VWA5B2: variants seen among roughly 807,000 people sequenced by gnomAD.
VWA5B2 encodes von Willebrand factor A domain containing 5B2.
Under a neutral mutation model 118.5 loss-of-function variants are expected in VWA5B2, and 93 were observed. That is an observed-to-expected ratio of 0.79 (90% CI 0.66 to 0.93). The LOEUF (loss-of-function observed/expected upper bound fraction) is 0.93, where lower values mean the gene tolerates loss of function less well. VWA5B2 is among the 40% of genes least tolerant of loss of function. The pLI is 0.00. For missense variants in VWA5B2, 1,546 were observed against 1,672.8 expected, an observed-to-expected ratio of 0.92 and a Z score of 1.32; for synonymous variants, 708 against 716.3, an observed-to-expected ratio of 0.99 and a Z score of 0.19.
At chr3:184,234,941 C>A in intron 7 of VWA5B2, 186 bp downstream of exon 7, 1 of 1,124,038 alleles carries the variant, frequency 8.9e-7, no homozygotes. Context: ...ATGTGAATCT[C>A]TCTGGGGTGT....
At position 184,240,009 on chromosome 3, in the gene VWA5B2, G is replaced by T; in HGVS notation, c.2713G>T (p.Gly905Ter). The change falls in exon 16 of 20, where the codon GGA (glycine) becomes TGA (stop). Residue 905 changes from glycine (G) to a stop codon, truncating the protein, a stop_gained. Coordinates refer to ENST00000691901, the MANE Select transcript of VWA5B2 (RefSeq NM_001390846.1). LOFTEE classifies it high-confidence loss of function. Reference sequence around the variant, plus strand: ...GGACAATGAGCAGCTGGCCCTCCGAGGAGGGGCAGAGACCACAGCTGACCG... The same window carrying T: ...GGACAATGAGCAGCTGGCCCTCCGATGAGGGGCAGAGACCACAGCTGACCG... ...VRDNEQLALR[G>*]GAETTADRGH... is the part of the protein sequence containing the mutation. 1 of 1,547,896 alleles carries T rather than the reference G, an allele frequency of 6.5e-7. No individual in the cohort carries two copies. Among genetic ancestry groups the T allele is most frequent in the Non-Finnish European group, 8.7e-7 (1 of 1,145,646 alleles).
intron 7 of VWA5B2, 91 bp from the exon 8 acceptor site, chr3:184,235,062 C>G: frequency 6.9e-7 from 1 of 1,441,530 alleles, no homozygotes; most frequent in Non-Finnish European, 9.3e-7. Context: ...GTGGATCAGA[C>G]AGAAAAAGGC....
At position 184,241,692 on chromosome 3, in the gene VWA5B2, C is replaced by T. The variant is rs1156636201; in HGVS notation, c.3383C>T (p.Pro1128Leu). The T allele has an allele frequency of 7.9e-6, 12 of 1,517,772 alleles. No homozygotes were observed. Among genetic ancestry groups the T allele is most frequent in the South Asian group, 4.9e-5 (4 of 82,250 alleles). 94.0% of individuals were successfully genotyped at this position (1,517,772 alleles called of 1,614,324 possible). ...GACAGTGCCACGGCCTCCTGCAGCCCGTCCCCCAGCTCGGGCTCTGAGGGG... is the reference window on the plus strand; with the variant it reads ...GACAGTGCCACGGCCTCCTGCAGCCTGTCCCCCAGCTCGGGCTCTGAGGGG... ...QGDSATASCS[P>L]SPSSGSEGPG... The change falls in exon 20 of 20, where the codon CCG (proline) becomes CTG (leucine). Residue 1128 changes from proline (P) to leucine (L), a missense_variant. Physicochemically the swap from Pro to Leu is moderately conservative, Grantham distance 98. Around this residue, in one of 3 missense-constraint regions of VWA5B2, gnomAD observed 763 missense variants for 766.6 expected, o/e 1.00. Transcript: ENST00000691901. This position sits in a 1 kb window ranked among gnomAD's most constrained non-coding sequence, Gnocchi z 5.1.
rs1413896268 is a variant in VWA5B2, at chr3:184,235,169, G to C, written c.962G>C (p.Arg321Pro). 6.4e-7 allele frequency: 1 copy of C among 1,551,442 alleles called. No homozygotes were observed. The highest frequency in any genetic ancestry group is 8.7e-7 in the Non-Finnish European group (1 of 1,146,922). Reference protein sequence around the residue: ...DGDRQVWFLQRRFHKDILLNP... With the variant: ...DGDRQVWFLQPRFHKDILLNP... Reference sequence around the variant, plus strand: ...CCCGCTCAGGTGTGGTTCCTGCAGCGACGCTTCCACAAGGACATCCTGCTG... The same window carrying C: ...CCCGCTCAGGTGTGGTTCCTGCAGCCACGCTTCCACAAGGACATCCTGCTG... The change falls in exon 8 of 20, where the codon CGA becomes CCA. Residue 321 changes from arginine to proline, a missense_variant. Arg to Pro is a moderately radical substitution (Grantham distance 103). Coordinates refer to ENST00000691901, the MANE Select transcript of VWA5B2 (RefSeq NM_001390846.1).
At position 184,237,390 on chromosome 3, in the gene VWA5B2, CT is replaced by C; in HGVS notation, c.1700del (p.Phe567SerfsTer69). ...ACTGCTCACTCTTCAGGGTGGATGG[CT>C]TCCGGTCCCGCCCACCAGGGGTAAG... Reference protein sequence around the residue: ...GYCSLFRVDGFRSRPPGGQEP... With the variant: ...GYCSLFRVDGXRSRPPGGQEP... On this transcript the variant is annotated frameshift_variant, in exon 12 of 20. Coordinates refer to ENST00000691901, the MANE Select transcript of VWA5B2 (RefSeq NM_001390846.1). LOFTEE classifies it high-confidence loss of function. This position sits in a 1 kb window ranked among gnomAD's most constrained non-coding sequence, Gnocchi z 5.6. 6.5e-7 allele frequency: 1 copy of C among 1,549,836 alleles called. No individual in the cohort carries two copies. The highest frequency in any genetic ancestry group is 8.7e-7 in the Non-Finnish European group (1 of 1,145,956).
In VWA5B2 at chr3:184,238,841, C is replaced by G; in HGVS notation, c.2170C>G (p.Pro724Ala). ...AGAACCTGCAGGCTCCCGCTCCTGTCCCCTGCCTGCACCCACACCAGCTCC... is the reference window on the plus strand; with the variant it reads ...AGAACCTGCAGGCTCCCGCTCCTGTGCCCTGCCTGCACCCACACCAGCTCC... ...WGEPAGSRSC[P>A]LPAPTPAPFK... Residue 724 changes from proline (P) to alanine (A), a missense_variant, in exon 14 of 20, where the codon CCC (proline) becomes GCC (alanine). Transcript: ENST00000691901. The surrounding 1 kb of genome is among the most constrained non-coding windows in gnomAD (Gnocchi z 5.0). 6.6e-7 allele frequency: 1 copy of G among 1,523,986 alleles called. No homozygotes were observed. The highest frequency in any genetic ancestry group is 8.9e-7 in the Non-Finnish European group (1 of 1,126,826). The allele number at this position is 1,523,986 out of a possible 1,614,324, so 94.4% of individuals were successfully genotyped here.
At chr3:184,240,286 G>C (rs1412024575) in intron 16 of VWA5B2, 1 of 426,388 alleles carries the variant, frequency 2.3e-6, no homozygotes, top group African/African-American at 2.0e-5. Context: ...ATCCAGAACT[G>C]ACAAGCTTCC....
At position 184,239,280 on chromosome 3, in the gene VWA5B2, TG is replaced by T; in HGVS notation, c.2203-112del. ...AGGAACTTGGCCTTCCTCCTCAAGCTGGTGAGCGGCCACCCAGGGTTTCAGA... is the reference window on the plus strand; with the variant it reads ...AGGAACTTGGCCTTCCTCCTCAAGCTGTGAGCGGCCACCCAGGGTTTCAGA... On this transcript the variant is annotated intron_variant, in intron 14 of 19. Coordinates refer to ENST00000691901, the MANE Select transcript of VWA5B2 (RefSeq NM_001390846.1). The surrounding 1 kb of genome is among the most constrained non-coding windows in gnomAD (Gnocchi z 5.1). 8.2e-7 allele frequency: 1 copy of T among 1,226,852 alleles called. No individual in the cohort carries two copies. Among genetic ancestry groups the T allele is most frequent in the Non-Finnish European group, 1.1e-6 (1 of 925,222 alleles). The allele number at this position is 1,226,852 out of a possible 1,614,324, so 76.0% of individuals were successfully genotyped here. A position where few individuals can be genotyped will look rare whatever the true frequency, so the allele number is the denominator to read the frequency against.
At position 184,239,383 on chromosome 3, in the gene VWA5B2, C is replaced by T; in HGVS notation, c.2203-11C>T. ...ATTCCTTGACCAGTGGCCCCCATAT[C>T]TCACATGCAGGTGGGGGCCTTGAGT... On this transcript the variant is annotated splice_polypyrimidine_tract_variant and intron_variant, in intron 14 of 19. Transcript: ENST00000691901. The surrounding 1 kb of genome is among the most constrained non-coding windows in gnomAD (Gnocchi z 5.1). 1.3e-6 allele frequency: 2 copies of T among 1,529,440 alleles called. No individual in the cohort carries two copies. The highest frequency in any genetic ancestry group is 1.8e-6 in the Non-Finnish European group (2 of 1,132,742). 94.7% of individuals were successfully genotyped at this position (1,529,440 alleles called of 1,614,324 possible). A position where few individuals can be genotyped will look rare whatever the true frequency, so the allele number is the denominator to read the frequency against.
At chr3:184,231,517 T>C (rs927429881) in intron 3 of VWA5B2, among the ~76,000 whole-genome samples, 1 of 152,236 alleles carries the variant, frequency 6.6e-6, no homozygotes, top group Non-Finnish European at 1.5e-5. Context: ...CCTCCCTGAC[T>C]CTCCCACAAA....
In VWA5B2 at chr3:184,230,466, G is replaced by A; in HGVS notation, c.-63G>A. 1 of 1,379,624 alleles carries A rather than the reference G, an allele frequency of 7.2e-7. No homozygotes were observed. Among genetic ancestry groups the A allele is most frequent in the Non-Finnish European group, 9.3e-7 (1 of 1,076,410 alleles). The allele number at this position is 1,379,624 out of a possible 1,614,324, so 85.5% of individuals were successfully genotyped here. On this transcript the variant is annotated 5_prime_UTR_variant, in exon 2 of 20. Transcript: ENST00000691901. ...CGCTGGCCTCTGGAGCGCGGGGTGG[G>A]CGTCCCGTCACCCTGCGCCCAGCTT...
rs200944276 is a variant in VWA5B2, at chr3:184,235,265, G to A, written c.1058G>A (p.Arg353Gln). 8 of 1,551,444 alleles carry A rather than the reference G, an allele frequency of 5.2e-6. No homozygotes were observed. The highest frequency in any genetic ancestry group is 6.1e-6 in the Non-Finnish European group (7 of 1,146,946). Residue 353 changes from arginine to glutamine, a missense_variant, in exon 8 of 20, where the codon CGG becomes CAG. Physicochemically the swap from Arg to Gln is conservative, Grantham distance 43. Around this residue, in one of 3 missense-constraint regions of VWA5B2, gnomAD observed 775 missense variants for 882.3 expected, o/e 0.88. Transcript: ENST00000691901. ...CCCGGACACCTGGGGACAGCTACTC[G>A]GGAGCTACTCTTCCTTTTGGATAGC... Reference protein sequence around the residue: ...SKPGHLGTATRELLFLLDSSS... With the variant: ...SKPGHLGTATQELLFLLDSSS...
chr3:184,230,876 G>C lies in VWA5B2; in HGVS notation c.269G>C (p.Gly90Ala). 1.6e-6 allele frequency: 2 copies of C among 1,234,952 alleles called. No homozygotes were observed. The highest frequency in any genetic ancestry group is 2.0e-6 in the Non-Finnish European group (2 of 989,936). The allele number at this position is 1,234,952 out of a possible 1,614,324, so 76.5% of individuals were successfully genotyped here. ...RSQAACCRAL[G>A]PGLGTPTPRR... Reference sequence around the variant, plus strand: ...CAGGCCGCCTGCTGCCGCGCTCTGGGCCCGGGGCTGGGGACCCCGACGCCC... The same window carrying C: ...CAGGCCGCCTGCTGCCGCGCTCTGGCCCCGGGGCTGGGGACCCCGACGCCC... The change falls in exon 3 of 20, where the codon GGC becomes GCC. Residue 90 changes from glycine to alanine, a missense_variant. Physicochemically the swap from Gly to Ala is moderately conservative, Grantham distance 60. Around this residue, in one of 3 missense-constraint regions of VWA5B2, gnomAD observed 775 missense variants for 882.3 expected, o/e 0.88. Transcript: ENST00000691901.
At chr3:184,234,036 G>C (rs910136179) in intron 5 of VWA5B2, among the ~76,000 whole-genome samples, 5 of 152,196 alleles carry the variant, frequency 3.3e-5, no homozygotes, top group African/African-American at 9.7e-5. Context: ...AAGGTGGGGG[G>C]TGAATGCTAA....
In VWA5B2 at chr3:184,236,175, G is replaced by A; in HGVS notation, c.1125G>A (p.Lys375=). The change falls in exon 9 of 20, where the codon AAG becomes AAA. Residue 375 remains lysine (K), a synonymous_variant. Transcript: ENST00000691901. ...AHKDAIVLAV[K]SLPPQTLINL... ...AGGATGCCATTGTTTTGGCTGTGAAGTCCCTCCCGCCCCAGACGCTTATCA... is the reference window on the plus strand; with the variant it reads ...AGGATGCCATTGTTTTGGCTGTGAAATCCCTCCCGCCCCAGACGCTTATCA... 1 of 1,551,642 alleles carries A rather than the reference G, an allele frequency of 6.4e-7. No individual in the cohort carries two copies. The highest frequency in any genetic ancestry group is 1.2e-5 in the South Asian group (1 of 84,062).
At chr3:184,234,583 G>T in intron 6 of VWA5B2, 48 bp from the exon 7 acceptor site, 8 of 1,543,082 alleles carry the variant, frequency 5.2e-6, no homozygotes, top group Non-Finnish European at 7.0e-6. Context: ...GGCACTTGGG[G>T]TCCAGAGGCA....
In VWA5B2 at chr3:184,237,453, T is replaced by A; in HGVS notation, c.1719+42T>A. 3 of 1,494,704 alleles carry A rather than the reference T, an allele frequency of 2.0e-6. No homozygotes were observed. Among genetic ancestry groups the A allele is most frequent in the Non-Finnish European group, 2.7e-6 (3 of 1,104,784 alleles). 92.6% of individuals were successfully genotyped at this position (1,494,704 alleles called of 1,614,324 possible). On this transcript the variant is annotated intron_variant, in intron 12 of 19. Coordinates refer to ENST00000691901, the MANE Select transcript of VWA5B2 (RefSeq NM_001390846.1). This position sits in a 1 kb window ranked among gnomAD's most constrained non-coding sequence, Gnocchi z 5.6. ...GTGTGGTAGGGGGGCTAGGGTGAGGTAGGGGGGCCTGGGATGGCTGAAGTC... is the reference window on the plus strand; with the variant it reads ...GTGTGGTAGGGGGGCTAGGGTGAGGAAGGGGGGCCTGGGATGGCTGAAGTC...
Position 184,236,144 on chromosome 3 carries a change from C to T in VWA5B2, c.1102-8C>T, listed in dbSNP as rs1421705549. ...CGGCCTCACGCCGCCCTCCCTGGCC[C>T]TCCACAGGATGCCATTGTTTTGGCT... is the stretch of plus-strand genomic sequence containing the variant. On this transcript the variant is annotated splice_region_variant and splice_polypyrimidine_tract_variant and intron_variant, in intron 8 of 19. Transcript: ENST00000691901. 4.5e-6 allele frequency: 7 copies of T among 1,550,990 alleles called. No homozygotes were observed. Among genetic ancestry groups the T allele is most frequent in the Non-Finnish European group, 6.1e-6 (7 of 1,146,884 alleles).
chr3:184,237,887 C>T lies in VWA5B2; in HGVS notation c.1720-416C>T, dbSNP rs1031386204. Reference sequence around the variant, plus strand: ...TCACTTCACCTCACTGACCCATTTCCTCATATGGAAATGAGGTTTTTCACA... The same window carrying T: ...TCACTTCACCTCACTGACCCATTTCTTCATATGGAAATGAGGTTTTTCACA... On this transcript the variant is annotated intron_variant, in intron 12 of 19. Coordinates refer to ENST00000691901, the MANE Select transcript of VWA5B2 (RefSeq NM_001390846.1). This position sits in a 1 kb window ranked among gnomAD's most constrained non-coding sequence, Gnocchi z 5.6. Among the ~76,000 whole-genome samples the T allele has an allele frequency of 2.0e-5, 3 of 152,202 alleles. No individual in the cohort carries two copies. The highest frequency in any genetic ancestry group is 1.3e-4 in the Admixed American group (2 of 15,272).
Sources: allele counts gnomAD v4.1 joint callset (sites outside exome capture counted in the v4.1 genomes callset), GRCh38; gene constraint gnomAD v4.1.1; regional missense constraint gnomAD v4.1.1; non-coding constraint Gnocchi (gnomAD v3.1); transcripts MANE v1.5; gene names NCBI Gene and HGNC (gene_info 2026-07-23, HGNC 2026-07-21).